The following SLC44A5 variants were observed in gnomAD, a reference collection of about 807,000 sequenced individuals.
SLC44A5 encodes the protein choline transporter-like protein 5.
SLC44A5 carries 57 observed loss-of-function variants against 101.8 expected under a neutral mutation model. The ratio of observed to expected loss-of-function variants is 0.56; its 90% CI spans 0.45 to 0.70. SLC44A5 has a LOEUF of 0.70. Among genes scored for constraint, SLC44A5 ranks in the 30% least tolerant of loss-of-function variants. The pLI, the probability that SLC44A5 is intolerant of heterozygous loss-of-function variation, is 0.00. For missense variants in SLC44A5, 737 were observed against 853.1 expected, an observed-to-expected ratio of 0.86 and a Z score of 1.70; for synonymous variants, 281 against 290.9, an observed-to-expected ratio of 0.97 and a Z score of 0.35.
intron 12 of SLC44A5, among the ~76,000 whole-genome samples, chr1:75,230,946 T>G (rs2100554899): frequency 6.6e-6 from 1 of 152,314 alleles, no homozygotes; most frequent in South Asian, 2.1e-4. Context: ...TTCCCATATT[T>G]GAATTCTTGG....
chr1:75,498,412 A>C (rs1308294858), intron 2 of SLC44A5, among the ~76,000 whole-genome samples: 3 of 152,180 alleles, frequency 2.0e-5, no homozygotes, highest in Non-Finnish European at 4.4e-5. Flanking sequence ...ATATTACTTC[A>C]GTCCATTTAA....
At chr1:75,682,151 A>T in the SLC44A5 span, among the ~76,000 whole-genome samples, 3 of 152,258 alleles carry the variant, frequency 2.0e-5, no homozygotes, top group Non-Finnish European at 4.4e-5. Flanking sequence ...GGTAGGAAGA[A>T]TCAATATCGT....
intron 4 of SLC44A5, among the ~76,000 whole-genome samples, chr1:75,303,550 T>C (rs527921496): frequency 1.3e-5 from 2 of 152,114 alleles, no homozygotes; most frequent in Non-Finnish European, 2.9e-5. Context: ...TTTTAAAAAG[T>C]AAAACCAACA....
the SLC44A5 span, among the ~76,000 whole-genome samples, chr1:75,666,409 T>C: frequency 6.6e-6 from 1 of 152,160 alleles, no homozygotes; most frequent in African/African-American, 2.4e-5. Context: ...AATCCCTGAA[T>C]AGACCAATAA....
chr1:75,542,775 A>G (rs1671425864), intron 1 of SLC44A5, among the ~76,000 whole-genome samples: 1 of 152,130 alleles, frequency 6.6e-6, no homozygotes, highest in Non-Finnish European at 1.5e-5. Flanking sequence ...ATTGTTTTGT[A>G]TTCACCTTTT....
At chr1:75,254,001 C>T (rs116528170) in intron 6 of SLC44A5, among the ~76,000 whole-genome samples, 1,526 of 151,942 alleles carry the variant, frequency 0.01, 12 homozygotes, top group Non-Finnish European at 0.015. Flanking sequence ...TATAGTCATT[C>T]TATCACAGTC....
intron 2 of SLC44A5, among the ~76,000 whole-genome samples, chr1:75,536,084 G>A (rs1030505295): frequency 7.3e-5 from 11 of 151,078 alleles, no homozygotes; most frequent in Non-Finnish European, 1.3e-4. Context: ...ATGGCTATAT[G>A]CTTGCTAAAT....
intron 2 of SLC44A5, among the ~76,000 whole-genome samples, chr1:75,460,543 T>C (rs113669445): frequency 1.3e-5 from 2 of 152,216 alleles, no homozygotes; most frequent in African/African-American, 4.8e-5. Flanking sequence ...AAACCTACTG[T>C]GTAGATTTAA....
At chr1:75,362,744 C>G (rs1454170917) in intron 3 of SLC44A5, among the ~76,000 whole-genome samples, 1 of 151,988 alleles carries the variant, frequency 6.6e-6, no homozygotes, top group African/African-American at 2.4e-5. Context: ...GTTTAATATG[C>G]CCTTGAGAAG....
At chr1:75,498,598 T>G (rs1668791205) in intron 2 of SLC44A5, among the ~76,000 whole-genome samples, 1 of 152,174 alleles carries the variant, frequency 6.6e-6, no homozygotes, top group Non-Finnish European at 1.5e-5. Context: ...TCTTCAAAAA[T>G]ATTTTCTATT....
the SLC44A5 span, among the ~76,000 whole-genome samples, chr1:75,626,174 T>A: frequency 2.0e-5 from 3 of 152,260 alleles, no homozygotes; most frequent in East Asian, 5.8e-4. Context: ...AAGCCTGAAA[T>A]CATTTTATTT....
chr1:75,350,084 C>T (rs982050230), intron 3 of SLC44A5, among the ~76,000 whole-genome samples: 15 of 151,950 alleles, frequency 9.9e-5, no homozygotes, highest in Admixed American at 2.6e-4. Flanking sequence ...CCTACCGCGC[C>T]CCCCCCAACT....
chr1:75,376,393 CA>C (rs1660613077), intron 3 of SLC44A5, among the ~76,000 whole-genome samples: 1 of 152,148 alleles, frequency 6.6e-6, no homozygotes. Flanking sequence ...AGGGCACAGA[CA>C]AACAAAAAGA....
chr1:75,576,668 T>C (rs551626212), intron 1 of SLC44A5, among the ~76,000 whole-genome samples: 1 of 152,292 alleles, frequency 6.6e-6, no homozygotes, highest in African/African-American at 2.4e-5. Flanking sequence ...TCGCAAGTCC[T>C]AGATCTGATG....
At chr1:75,351,123 G>A (rs915503352) in intron 3 of SLC44A5, among the ~76,000 whole-genome samples, 1 of 151,388 alleles carries the variant, frequency 6.6e-6, no homozygotes, top group Non-Finnish European at 1.5e-5. Flanking sequence ...AATAAAGAGG[G>A]TCATTTCATA....
the SLC44A5 span, among the ~76,000 whole-genome samples, chr1:75,650,778 C>T: frequency 6.6e-6 from 1 of 150,608 alleles, no homozygotes; most frequent in East Asian, 2.1e-4. Context: ...TGCCACCACA[C>T]CCAGCTAATT....
chr1:75,522,731 C>T (rs1036853762), intron 2 of SLC44A5, among the ~76,000 whole-genome samples: 2 of 152,150 alleles, frequency 1.3e-5, no homozygotes, highest in South Asian at 2.1e-4. Flanking sequence ...TTATTATGAA[C>T]GAACAGCTTT....
chr1:75,572,779 G>A (rs775208702), intron 1 of SLC44A5, among the ~76,000 whole-genome samples: 1 of 152,044 alleles, frequency 6.6e-6, no homozygotes, highest in Non-Finnish European at 1.5e-5. Context: ...GGAAAAAGAG[G>A]AATGGGGAAG....
At chr1:75,680,395 A>G in the SLC44A5 span, among the ~76,000 whole-genome samples, 2 of 152,180 alleles carry the variant, frequency 1.3e-5, no homozygotes, top group Admixed American at 6.5e-5. Flanking sequence ...AAAGAACAGA[A>G]ATTATAACAA....
Sources: gnomAD v4.1 joint callset for allele counts (sites outside exome capture counted in the v4.1 genomes callset) on GRCh38, gnomAD v4.1.1 for gene constraint, MANE v1.5 for transcripts, NCBI Gene and HGNC (gene_info 2026-07-23, HGNC 2026-07-21) for gene names.